HCN1: variants seen among roughly 807,000 people sequenced by gnomAD.
The protein encoded by HCN1 is hyperpolarization activated cyclic nucleotide gated potassium channel 1.
In HCN1, 13 loss-of-function variants were observed where a neutral mutation model predicts 78.9. The ratio of observed to expected loss-of-function variants is 0.16; its 90% CI spans 0.11 to 0.26. The LOEUF (loss-of-function observed/expected upper bound fraction) is 0.26. Ranked by LOEUF, HCN1 falls within the 10% of genes least tolerant of loss-of-function variation. HCN1 has a pLI of 1.00. For synonymous variants in HCN1, 552 were observed against 455.5 expected (o/e 1.21, Z -2.70); for missense variants, 810 against 1,154.3 (o/e 0.70, Z 4.32).
At chr5:45,588,335 T>C (rs1051441886) in intron 2 of HCN1, among the ~76,000 whole-genome samples, 1 of 152,186 alleles carries the variant, frequency 6.6e-6, no homozygotes, top group African/African-American at 2.4e-5. Flanking sequence ...GAAACAGTTA[T>C]GTTGCATTGG....
intron 1 of HCN1, among the ~76,000 whole-genome samples, chr5:45,681,633 A>C (rs559631263): frequency 1.3e-5 from 2 of 152,256 alleles, no homozygotes; most frequent in South Asian, 4.1e-4. Flanking sequence ...ATATTTTATT[A>C]ATTAAGCCAA....
At chr5:45,477,180 A>T (rs572101547) in intron 2 of HCN1, among the ~76,000 whole-genome samples, 1 of 152,102 alleles carries the variant, frequency 6.6e-6, no homozygotes, top group African/African-American at 2.4e-5. Flanking sequence ...GAAAACTTCC[A>T]TGTTTCATCA....
chr5:45,319,448 AT>A lies in HCN1; in HGVS notation c.1378-15610del, dbSNP rs150270004. ...TTTTCTTATTGTAGTTTTAATATGC[AT>A]TTTCCCATGAGTATCCTCATTATGC... is the stretch of plus-strand genomic sequence containing the variant. On this transcript the variant is annotated intron_variant, in intron 5 of 7. Coordinates refer to ENST00000303230, the MANE Select transcript of HCN1 (RefSeq NM_021072.4). 8.6e-3 allele frequency among the ~76,000 whole-genome samples: 1,312 copies of A among 151,816 alleles called. 12 individuals are homozygous for A. The highest frequency in any genetic ancestry group is 0.012 in the Non-Finnish European group (846 of 67,886).
chr5:45,604,174 A>C (rs1385962717), intron 2 of HCN1, among the ~76,000 whole-genome samples: 4 of 152,128 alleles, frequency 2.6e-5, no homozygotes, highest in African/African-American at 9.7e-5. Flanking sequence ...TAATTTTCTA[A>C]GTGGTCAGAC....
At chr5:45,375,279 A>G (rs1461688954) in intron 4 of HCN1, among the ~76,000 whole-genome samples, 2 of 118,872 alleles carry the variant, frequency 1.7e-5, no homozygotes, top group Non-Finnish European at 3.2e-5. Flanking sequence ...TATATAATAT[A>G]TTATACATAA....
rs548458971 is a variant in HCN1, at chr5:45,270,971, T to C, written c.1619-3718A>G. On this transcript the variant is annotated intron_variant, in intron 6 of 7. Transcript: ENST00000303230. ...TCTCATATAATGAATATATAACATATGTAGCATATGTTACATAGTATAGGT... is the reference window on the plus strand; with the variant it reads ...TCTCATATAATGAATATATAACATACGTAGCATATGTTACATAGTATAGGT... Among the ~76,000 whole-genome samples the C allele has an allele frequency of 2.0e-5, 3 of 152,200 alleles. No individual in the cohort carries two copies. In the South Asian group the frequency reaches 6.2e-4, roughly 32 times the overall value.
At chr5:45,600,796 T>C (rs541194492) in intron 2 of HCN1, among the ~76,000 whole-genome samples, 103 of 152,250 alleles carry the variant, frequency 6.8e-4, no homozygotes, top group African/African-American at 3.4e-4. Flanking sequence ...GTGACTGTTA[T>C]TGGGGACTCC....
At chr5:45,372,539 A>ACATATAAAAATATATAAAACATTTC in intron 4 of HCN1, among the ~76,000 whole-genome samples, 1 of 128,814 alleles carries the variant, frequency 7.8e-6, no homozygotes, top group Non-Finnish European at 1.6e-5. Context: ...TAAAACATTT[A>ACATATAAAAATATATAAAACATTTC]CATATAAAAA....
At chr5:45,421,990 T>C (rs1181676365) in intron 3 of HCN1, among the ~76,000 whole-genome samples, 1 of 152,226 alleles carries the variant, frequency 6.6e-6, no homozygotes, top group African/African-American at 2.4e-5. Context: ...GGAAGGTCAC[T>C]CTCTGATCTT....
intron 2 of HCN1, among the ~76,000 whole-genome samples, chr5:45,565,219 G>T (rs144569850): frequency 1.2e-4 from 18 of 152,246 alleles, no homozygotes; most frequent in African/African-American, 3.9e-4. Flanking sequence ...TTAAGGGAAT[G>T]ATATTAAATT....
At chr5:45,372,790 A>T (rs183396972) in intron 4 of HCN1, among the ~76,000 whole-genome samples, 5,017 of 140,646 alleles carry the variant, frequency 0.036, 318 homozygotes, top group African/African-American at 0.13. Flanking sequence ...TATACACAAA[A>T]ATATTTACGT....
At chr5:45,271,308 T>G (rs1356895876) in intron 6 of HCN1, among the ~76,000 whole-genome samples, 1 of 151,574 alleles carries the variant, frequency 6.6e-6, no homozygotes, top group African/African-American at 2.4e-5. Flanking sequence ...GGTAGAGTGC[T>G]GTTTGGGGCA....
intron 4 of HCN1, among the ~76,000 whole-genome samples, chr5:45,384,689 T>A (rs1747878613): frequency 6.6e-6 from 1 of 152,124 alleles, no homozygotes; most frequent in Non-Finnish European, 1.5e-5. Flanking sequence ...TCCTTGGATG[T>A]TATGGACTAA....
chr5:45,297,202 C>T (rs1745514222), intron 6 of HCN1, among the ~76,000 whole-genome samples: 2 of 152,028 alleles, frequency 1.3e-5, no homozygotes, highest in South Asian at 2.1e-4. Context: ...TAAAGGAATA[C>T]GTTGGGCTAG....
At chr5:45,459,756 A>T (rs1445408062) in intron 3 of HCN1, among the ~76,000 whole-genome samples, 1 of 152,052 alleles carries the variant, frequency 6.6e-6, no homozygotes, top group Non-Finnish European at 1.5e-5. Flanking sequence ...TAAAATAATA[A>T]TTTTTTACCA....
intron 3 of HCN1, among the ~76,000 whole-genome samples, chr5:45,460,820 C>T (rs1741138722): frequency 6.6e-6 from 1 of 150,448 alleles, no homozygotes; most frequent in South Asian, 2.1e-4. Context: ...AATAGAAAAC[C>T]TATGCTACAA....
intron 2 of HCN1, among the ~76,000 whole-genome samples, chr5:45,594,586 A>AATGTCACGAGGG (rs1490345570): frequency 6.6e-6 from 1 of 152,234 alleles, no homozygotes; most frequent in Non-Finnish European, 1.5e-5. Flanking sequence ...CACAGTCAGC[A>AATGTCACGAGGG]ATGTCACGAG....
intron 1 of HCN1, among the ~76,000 whole-genome samples, chr5:45,692,794 C>A (rs1249791229): frequency 6.6e-6 from 1 of 152,026 alleles, no homozygotes. Flanking sequence ...AGCTATCAGT[C>A]TTAAAAATTA....
intron 2 of HCN1, among the ~76,000 whole-genome samples, chr5:45,579,841 A>G (rs1440378940): frequency 6.6e-6 from 1 of 152,110 alleles, no homozygotes; most frequent in African/African-American, 2.4e-5. Flanking sequence ...CAGTGCAACA[A>G]TGGAATAGAT....
Sources: gnomAD v4.1 joint callset for allele counts (sites outside exome capture counted in the v4.1 genomes callset) on GRCh38, gnomAD v4.1.1 for gene constraint, MANE v1.5 for transcripts, NCBI Gene and HGNC (gene_info 2026-07-23, HGNC 2026-07-21) for gene names.